Variants in GPC6 observed in about 807,000 individuals in gnomAD.
GPC6 encodes glypican-6.
GPC6 carries 14 observed loss-of-function variants against 55.2 expected under a neutral mutation model. The ratio of observed to expected loss-of-function variants is 0.25; its 90% confidence interval spans 0.17 to 0.40. The LOEUF is 0.40. GPC6 is among the 10% of genes least tolerant of loss of function. GPC6 has a pLI of 1.00. For missense variants in GPC6, 641 were observed against 708.5 expected (o/e 0.90, Z 1.08); for synonymous variants, 278 against 259.6 (o/e 1.07, Z -0.68).
chr13:94,258,093 T>C (rs1891556165), intron 4 of GPC6, among the ~76,000 whole-genome samples: 1 of 152,156 alleles, frequency 6.6e-6, no homozygotes, highest in African/African-American at 2.4e-5. Flanking sequence ...CCCACCAAGA[T>C]TAACATAGGC....
At chr13:93,386,852 T>A (rs1183424748) in intron 1 of GPC6, among the ~76,000 whole-genome samples, 1 of 152,174 alleles carries the variant, frequency 6.6e-6, no homozygotes, top group Non-Finnish European at 1.5e-5. Flanking sequence ...GGAAGCTCTA[T>A]GCATGCCTTG....
chr13:93,624,170 AGCACAAAT>A (rs1879092809), intron 2 of GPC6, among the ~76,000 whole-genome samples: 1 of 148,150 alleles, frequency 6.7e-6, no homozygotes, highest in Admixed American at 6.8e-5. Context: ...AGCTTCTCTG[AGCACAAAT>A]GTGGGGAATG....
chr13:93,349,276 A>C (rs1336604691), intron 1 of GPC6, among the ~76,000 whole-genome samples: 1 of 152,070 alleles, frequency 6.6e-6, no homozygotes, highest in Non-Finnish European at 1.5e-5. Flanking sequence ...TTTCCCTGTA[A>C]AAGTAACTAA....
rs546723640 is a variant in GPC6 at position 94,223,396 on chromosome 13, C to T, written c.878-62953C>T. Among the ~76,000 whole-genome samples the T allele has an allele frequency of 9.2e-5, 14 of 152,282 alleles. 1 individual carries two copies. The highest frequency in any genetic ancestry group is 6.5e-4 in the Admixed American group (10 of 15,280). ...TCACTTTTCCTATTTAATCTACACACTAGACACATTGCTGTGAGTTCGATA... is the reference window on the plus strand; with the variant it reads ...TCACTTTTCCTATTTAATCTACACATTAGACACATTGCTGTGAGTTCGATA... On this transcript the variant is annotated intron_variant, in intron 4 of 8. Transcript: ENST00000377047.
chr13:94,335,603 A>C (rs940525304), intron 6 of GPC6, among the ~76,000 whole-genome samples: 22 of 152,214 alleles, frequency 1.4e-4, no homozygotes, highest in African/African-American at 5.3e-4. Flanking sequence ...TTTAGAATGA[A>C]TATACAATCC....
chr13:94,060,608 A>T (rs1051396749), intron 4 of GPC6, among the ~76,000 whole-genome samples: 5 of 152,214 alleles, frequency 3.3e-5, no homozygotes, highest in Admixed American at 6.5e-5. Flanking sequence ...CACTACAAAC[A>T]TTCCATTGTG....
chr13:93,977,445 A>G (rs1013034982), intron 3 of GPC6, among the ~76,000 whole-genome samples: 2 of 146,340 alleles, frequency 1.4e-5, no homozygotes, highest in African/African-American at 2.5e-5. Flanking sequence ...TTGGTTTTCT[A>G]TGATTTGCCA....
chr13:93,368,172 T>C (rs1157957867), intron 1 of GPC6, among the ~76,000 whole-genome samples: 3 of 152,094 alleles, frequency 2.0e-5, no homozygotes, highest in Non-Finnish European at 4.4e-5. Context: ...CATTATGCAA[T>C]GTTCTTCTCT....
At chr13:93,780,984 A>G (rs981388960) in intron 2 of GPC6, among the ~76,000 whole-genome samples, 6 of 152,140 alleles carry the variant, frequency 3.9e-5, no homozygotes, top group Admixed American at 6.6e-5. Context: ...AGACTAAAAG[A>G]AATATATAAT....
intron 4 of GPC6, among the ~76,000 whole-genome samples, chr13:94,098,833 T>C (rs1885753953): frequency 6.6e-6 from 1 of 152,198 alleles, no homozygotes; most frequent in Non-Finnish European, 1.5e-5. Flanking sequence ...GTATTATATA[T>C]ATATTATTTC....
intron 1 of GPC6, among the ~76,000 whole-genome samples, chr13:93,391,587 A>G (rs1268320469): frequency 6.6e-6 from 1 of 152,246 alleles, no homozygotes; most frequent in East Asian, 1.9e-4. Context: ...ATACATAAGC[A>G]TATGCATTCG....
chr13:93,933,588 A>C (rs1287869081), intron 3 of GPC6, among the ~76,000 whole-genome samples: 1 of 152,150 alleles, frequency 6.6e-6, no homozygotes, highest in Non-Finnish European at 1.5e-5. Context: ...CTATTGTGAG[A>C]ATTAAAACCC....
At chr13:94,133,208 C>T (rs912280026) in intron 4 of GPC6, among the ~76,000 whole-genome samples, 10 of 142,754 alleles carry the variant, frequency 7.0e-5, no homozygotes, top group African/African-American at 2.6e-4. Context: ...GACTCTGTCT[C>T]GATTCCCATG....
intron 3 of GPC6, among the ~76,000 whole-genome samples, chr13:93,902,087 T>C (rs1385135211): frequency 6.6e-6 from 1 of 152,052 alleles, no homozygotes; most frequent in East Asian, 1.9e-4. Context: ...TTCTCTCTTT[T>C]AGCTATTTTA....
At chr13:93,263,944 A>G (rs1197282723) in intron 1 of GPC6, among the ~76,000 whole-genome samples, 2 of 152,138 alleles carry the variant, frequency 1.3e-5, no homozygotes, top group East Asian at 3.9e-4. Flanking sequence ...CCAGCAGCTC[A>G]GACCACTCAG....
At chr13:93,447,851 T>A (rs9524070) in intron 1 of GPC6, among the ~76,000 whole-genome samples, 1 of 152,038 alleles carries the variant, frequency 6.6e-6, no homozygotes, top group African/African-American at 2.4e-5. Flanking sequence ...TATCAAAGGG[T>A]TTTTCAGAAA....
chr13:93,989,892 A>G (rs1005300524), intron 3 of GPC6, among the ~76,000 whole-genome samples: 3 of 144,938 alleles, frequency 2.1e-5, no homozygotes, highest in Admixed American at 7.2e-5. Flanking sequence ...ATATGTATAT[A>G]TGTGTGTGTG....
intron 2 of GPC6, among the ~76,000 whole-genome samples, chr13:93,642,303 G>A (rs982211063): frequency 5.9e-5 from 9 of 152,166 alleles, no homozygotes; most frequent in East Asian, 3.9e-4. Flanking sequence ...CTCCAGCCAC[G>A]TTGCTGCAGA....
chr13:93,817,056 T>C (rs1886878426), intron 2 of GPC6, among the ~76,000 whole-genome samples: 4 of 152,180 alleles, frequency 2.6e-5, no homozygotes, highest in Admixed American at 2.6e-4. Context: ...GCATCAATCC[T>C]CATAGAATCT....
Sources: gnomAD v4.1 joint callset for allele counts (sites outside exome capture counted in the v4.1 genomes callset) on GRCh38, gnomAD v4.1.1 for gene constraint, MANE v1.5 for transcripts, NCBI Gene and HGNC (gene_info 2026-07-23, HGNC 2026-07-21) for gene names.